Variants in RASGRF2 observed in about 807,000 individuals in gnomAD.
RASGRF2 encodes ras-specific guanine nucleotide-releasing factor 2.
RASGRF2 carries 76 observed loss-of-function variants against 151.0 expected under a neutral mutation model. The observed-to-expected ratio is 0.50, with a 90% CI of 0.42 to 0.61. RASGRF2 has a LOEUF of 0.61. Ranked by LOEUF, RASGRF2 falls within the 20% of genes least tolerant of loss-of-function variation. The pLI is 0.00. For missense variants in RASGRF2, 1,148 were observed against 1,564.6 expected, an observed-to-expected ratio of 0.73 and a Z score of 4.49; for synonymous variants, 504 against 566.5, an observed-to-expected ratio of 0.89 and a Z score of 1.57.
At chr5:80,966,721 G>T (rs1157956994) in intron 1 of RASGRF2, among the ~76,000 whole-genome samples, 1 of 152,138 alleles carries the variant, frequency 6.6e-6, no homozygotes, top group Non-Finnish European at 1.5e-5. Context: ...GAACAGAGAT[G>T]CAAAAAGCAC....
chr5:81,151,386 T>A (rs1580361392), intron 17 of RASGRF2, among the ~76,000 whole-genome samples: 1 of 45,842 alleles, frequency 2.2e-5, no homozygotes, highest in South Asian at 6.8e-4. Context: ...AACTGGTACC[T>A]TTTTTTTTTT....
At chr5:81,098,370 G>A (rs983728415) in intron 12 of RASGRF2, among the ~76,000 whole-genome samples, 11 of 152,174 alleles carry the variant, frequency 7.2e-5, no homozygotes, top group African/African-American at 2.7e-4. Flanking sequence ...AGCATTTAGA[G>A]AGAGATCCGG....
At chr5:81,201,571 T>C (rs1000214670) in intron 19 of RASGRF2, 129 bp downstream of exon 19, 5 of 1,033,924 alleles carry the variant, frequency 4.8e-6, no homozygotes, top group African/African-American at 1.6e-5. Flanking sequence ...TAAAGTGTTA[T>C]GTATTATCTT....
chr5:81,145,711 C>G (rs1285400634), intron 17 of RASGRF2, among the ~76,000 whole-genome samples: 4 of 152,182 alleles, frequency 2.6e-5, no homozygotes, highest in Non-Finnish European at 5.9e-5. Context: ...AAGCAGACCC[C>G]GTAGCCCCAG....
chr5:81,225,884 A>C lies in RASGRF2; in HGVS notation c.*114A>C. On this transcript the variant is annotated 3_prime_UTR_variant, in exon 27 of 27. Transcript: ENST00000265080. ...CGAAGCCAGGCTCCTTTCTCCACCA[A>C]AGAAGATGGAACCAGACTGGAATTC... 1.8e-6 allele frequency: 2 copies of C among 1,106,146 alleles called. No homozygotes were observed. Among genetic ancestry groups the C allele is most frequent in the East Asian group, 3.0e-5 (1 of 33,720 alleles). The allele number at this position is 1,106,146 out of a possible 1,614,324, so 68.5% of individuals were successfully genotyped here. A position where few individuals can be genotyped will look rare whatever the true frequency, so the allele number is the denominator to read the frequency against.
At chr5:81,129,897 TC>T (rs939749412) in intron 17 of RASGRF2, among the ~76,000 whole-genome samples, 8 of 152,200 alleles carry the variant, frequency 5.3e-5, no homozygotes, top group African/African-American at 1.9e-4. Flanking sequence ...ATGAGCCCAT[TC>T]CCCATTTGCT....
intron 15 of RASGRF2, among the ~76,000 whole-genome samples, chr5:81,123,133 G>A (rs931974980): frequency 3.3e-5 from 5 of 152,150 alleles, no homozygotes; most frequent in Non-Finnish European, 5.9e-5. Context: ...ACATAGCCAC[G>A]TTTGGGTAGT....
At chr5:81,127,237 T>C (rs2112572225) in intron 17 of RASGRF2, 74 bp downstream of exon 17, 2 of 1,435,986 alleles carry the variant, frequency 1.4e-6, no homozygotes, top group Admixed American at 3.7e-5. Flanking sequence ...TGCCAGTGTC[T>C]TGATGAGACA....
At chr5:80,988,240 G>A (rs1444292922) in intron 1 of RASGRF2, among the ~76,000 whole-genome samples, 1 of 151,760 alleles carries the variant, frequency 6.6e-6, no homozygotes, top group African/African-American at 2.4e-5. Flanking sequence ...TTGTAGAGAC[G>A]AGGTTTCACC....
chr5:81,122,078 C>A (rs1200500049), intron 15 of RASGRF2, among the ~76,000 whole-genome samples: 2 of 152,214 alleles, frequency 1.3e-5, no homozygotes, highest in Non-Finnish European at 2.9e-5. Flanking sequence ...AAGGAATTCT[C>A]CCCTCAGCCC....
At chr5:81,120,250 C>A (rs2112559925) in intron 15 of RASGRF2, among the ~76,000 whole-genome samples, 1 of 152,172 alleles carries the variant, frequency 6.6e-6, no homozygotes, top group South Asian at 2.1e-4. Flanking sequence ...TTAAGGTGGT[C>A]ATTCAGAGAG....
At chr5:81,070,149 C>T (rs112046517) in intron 3 of RASGRF2, 2,589 of 249,712 alleles carry the variant, frequency 0.01, 75 homozygotes, top group African/African-American at 0.054. Context: ...TTGCAGGCAG[C>T]CACCTTCAGG....
intron 1 of RASGRF2, among the ~76,000 whole-genome samples, chr5:80,981,696 G>A (rs1235352460): frequency 6.6e-6 from 1 of 152,122 alleles, no homozygotes; most frequent in Non-Finnish European, 1.5e-5. Flanking sequence ...CCCCTCAGTA[G>A]CTGGGATTAC....
intron 1 of RASGRF2, among the ~76,000 whole-genome samples, chr5:81,016,703 A>G (rs1419107873): frequency 6.6e-6 from 1 of 152,222 alleles, no homozygotes. Context: ...TAAAGGAAGA[A>G]TATATTTTAA....
intron 17 of RASGRF2, among the ~76,000 whole-genome samples, chr5:81,163,395 A>T (rs556995102): frequency 6.6e-6 from 1 of 152,236 alleles, no homozygotes; most frequent in East Asian, 1.9e-4. Context: ...TTATGAAAGA[A>T]CGTCCATTTT....
At chr5:81,057,108 T>C (rs916174993) in intron 2 of RASGRF2, among the ~76,000 whole-genome samples, 2 of 152,254 alleles carry the variant, frequency 1.3e-5, no homozygotes, top group Non-Finnish European at 2.9e-5. Flanking sequence ...TGTCTTTTAA[T>C]TGGAGCATTT....
At chr5:81,189,311 G>A (rs1294113430) in intron 18 of RASGRF2, among the ~76,000 whole-genome samples, 2 of 152,202 alleles carry the variant, frequency 1.3e-5, no homozygotes, top group Non-Finnish European at 2.9e-5. Flanking sequence ...GTGCCACGAG[G>A]CTCCTGGGCA....
At chr5:81,109,245 A>G (rs1320890515) in intron 13 of RASGRF2, among the ~76,000 whole-genome samples, 167 bp downstream of exon 13, 2 of 152,240 alleles carry the variant, frequency 1.3e-5, no homozygotes, top group Non-Finnish European at 2.9e-5. Context: ...TGAGACTATC[A>G]AAATGGTTTT....
rs866898398 is a variant in RASGRF2, at chr5:80,960,410, C to T, written c.-329C>T. ...CAGCCCGCCGCGGGGGCTCGGCTCC[C>T]GCAACTTTGGGCGAAGCGGCGGCCG... On this transcript the variant is annotated 5_prime_UTR_variant, in exon 1 of 27. Coordinates refer to ENST00000265080, the MANE Select transcript of RASGRF2 (RefSeq NM_006909.3). The surrounding 1 kb of genome is among the most constrained non-coding windows in gnomAD (Gnocchi z 5.5). 7.9e-5 allele frequency among the ~76,000 whole-genome samples: 12 copies of T among 150,986 alleles called. No individual in the cohort carries two copies. Among genetic ancestry groups the T allele is most frequent in the African/African-American group, 2.7e-4 (11 of 41,334 alleles).
Sources: allele counts gnomAD v4.1 joint callset (sites outside exome capture counted in the v4.1 genomes callset), GRCh38; gene constraint gnomAD v4.1.1; non-coding constraint Gnocchi (gnomAD v3.1); transcripts MANE v1.5; gene names NCBI Gene and HGNC (gene_info 2026-07-23, HGNC 2026-07-21).